The following ATXN7L1 variants were observed in gnomAD, a reference collection of about 807,000 sequenced individuals.
ATXN7L1 encodes ataxin 7 like 1, also known as ataxin-7-like protein 1.
Under a neutral mutation model 70.8 loss-of-function variants are expected in ATXN7L1, and 15 were observed. The observed-to-expected ratio is 0.21, with a 90% CI of 0.14 to 0.33. ATXN7L1 has a LOEUF of 0.33. Ranked by LOEUF, ATXN7L1 falls within the 10% of genes least tolerant of loss-of-function variation. The pLI is 1.00. For missense variants in ATXN7L1, 975 were observed against 1,097.1 expected (o/e 0.89, Z 1.57); for synonymous variants, 440 against 445.1 (o/e 0.99, Z 0.14).
intron 3 of ATXN7L1, among the ~76,000 whole-genome samples, chr7:105,704,935 AC>A (rs976869244): frequency 9.2e-5 from 14 of 151,608 alleles, no homozygotes; most frequent in African/African-American, 3.4e-4. Context: ...GTTCTGTCAG[AC>A]TCCAAACCCA....
chr7:105,683,505 C>T (rs1223285724), intron 3 of ATXN7L1, among the ~76,000 whole-genome samples: 2 of 152,082 alleles, frequency 1.3e-5, no homozygotes, highest in Non-Finnish European at 2.9e-5. Context: ...ATGGTGAAAC[C>T]TTGTCTCTAC....
At chr7:105,638,303 T>C in intron 7 of ATXN7L1, 50 bp downstream of exon 7, 1 of 1,517,304 alleles carries the variant, frequency 6.6e-7, no homozygotes. Context: ...CCCAGCAAGC[T>C]AGTCACTTGA....
intron 3 of ATXN7L1, among the ~76,000 whole-genome samples, chr7:105,683,955 G>A (rs1437084494): frequency 6.6e-6 from 1 of 152,166 alleles, no homozygotes; most frequent in Admixed American, 6.5e-5. Flanking sequence ...AACCCCACAG[G>A]TAACCATTCT....
At position 105,857,491 on chromosome 7, in the gene ATXN7L1, C is replaced by G. The variant is rs1229094201; in HGVS notation, c.250+18321G>C. 2.0e-5 allele frequency among the ~76,000 whole-genome samples: 3 copies of G among 152,238 alleles called. No homozygotes were observed. The East Asian group carries it at 5.8e-4, about 29-fold the overall frequency. On this transcript the variant is annotated intron_variant, in intron 2 of 11. Coordinates refer to ENST00000419735, the MANE Select transcript of ATXN7L1 (RefSeq NM_020725.2). ...CTTCCACCTCCTGGACAACTGGTCA[C>G]TTTCTACGCAGTCAGCAATGCAGGA... is the stretch of plus-strand genomic sequence containing the variant.
chr7:105,614,581 G>A lies in ATXN7L1; in HGVS notation c.1753C>T (p.Pro585Ser). Reference protein sequence around the residue: ...SALMSHTTAFPHVAATLSIMD... With the variant: ...SALMSHTTAFSHVAATLSIMD... The stretch of plus-strand genomic sequence containing the variant: ...ATGCTGAGGGTTGCGGCCACATGAG[G>A]GAAAGCTGTGGTGTGGGACATGAGG... The change falls in exon 10 of 12, where the codon CCT becomes TCT. Residue 585 changes from proline to serine, a missense_variant. Physicochemically the swap from Pro to Ser is moderately conservative, Grantham distance 74 (BLOSUM62 -1). Around this residue, in one of 5 missense-constraint regions of ATXN7L1, gnomAD observed 635 missense variants for 699.4 expected, o/e 0.91. Coordinates refer to ENST00000419735, the MANE Select transcript of ATXN7L1 (RefSeq NM_020725.2). This position sits in a 1 kb window ranked among gnomAD's most constrained non-coding sequence, Gnocchi z 4.3. The A allele has an allele frequency of 6.4e-7, 1 of 1,551,372 alleles. No individual in the cohort carries two copies. Among genetic ancestry groups the A allele is most frequent in the Non-Finnish European group, 8.7e-7 (1 of 1,146,612 alleles).
intron 2 of ATXN7L1, among the ~76,000 whole-genome samples, chr7:105,800,142 T>C (rs1395081962): frequency 6.6e-6 from 1 of 152,098 alleles, no homozygotes; most frequent in African/African-American, 2.4e-5. Context: ...ATAAGATCGA[T>C]CAGCTAGAGG....
intron 4 of ATXN7L1, among the ~76,000 whole-genome samples, chr7:105,663,801 C>T (rs846940): frequency 0.71 from 108,065 of 151,908 alleles, 38,754 homozygotes; most frequent in Admixed American, 0.8. Context: ...AGTCTCACTT[C>T]GTCATCCAGG....
At chr7:105,650,834 T>C (rs570017789) in intron 4 of ATXN7L1, among the ~76,000 whole-genome samples, 20 of 152,144 alleles carry the variant, frequency 1.3e-4, no homozygotes, top group Non-Finnish European at 2.8e-4. Flanking sequence ...ATTGTAAAAA[T>C]GGCCAGAAGC....
rs963824618 is a variant in ATXN7L1 at position 105,649,395 on chromosome 7, G to A, written c.579-6274C>T. On this transcript the variant is annotated intron_variant, in intron 4 of 11. Coordinates refer to ENST00000419735, the MANE Select transcript of ATXN7L1 (RefSeq NM_020725.2). ...TCCCTCATCCCCCTTGCTACGTGGG[G>A]GCGATATCTACCTCTGTTTCTTTTG... The A allele has an allele frequency of 4.1e-6, 4 of 987,532 alleles. No homozygotes were observed. In the South Asian group the frequency reaches 1.4e-4, roughly 35 times the overall value. 61.2% of individuals were successfully genotyped at this position (987,532 alleles called of 1,614,324 possible).
chr7:105,616,295 G>A (rs1209713123), intron 9 of ATXN7L1, among the ~76,000 whole-genome samples: 2 of 152,194 alleles, frequency 1.3e-5, no homozygotes, highest in Admixed American at 6.5e-5. Flanking sequence ...AGGACCAGGT[G>A]CCAGCGAACT....
At chr7:105,839,749 C>T (rs1812923869) in intron 2 of ATXN7L1, among the ~76,000 whole-genome samples, 2 of 152,158 alleles carry the variant, frequency 1.3e-5, no homozygotes, top group African/African-American at 4.8e-5. Context: ...TGGGAAAATA[C>T]ACCTACTGAG....
At chr7:105,679,112 G>A (rs891268635) in intron 3 of ATXN7L1, 19 of 985,848 alleles carry the variant, frequency 1.9e-5, no homozygotes, top group African/African-American at 1.0e-4. Context: ...TGGGCAACGC[G>A]ACTCGTGGTA....
chr7:105,811,524 T>G (rs762077548), intron 2 of ATXN7L1, among the ~76,000 whole-genome samples: 1 of 152,160 alleles, frequency 6.6e-6, no homozygotes, highest in East Asian at 1.9e-4. Context: ...GTTTTCCACA[T>G]GTTAAATGCT....
chr7:105,618,174 C>T (rs1011466016), intron 9 of ATXN7L1: 30 of 405,058 alleles, frequency 7.4e-5, no homozygotes, highest in African/African-American at 3.5e-4. Flanking sequence ...ATTCCTTCCA[C>T]GTGTCCGGGA....
intron 3 of ATXN7L1, among the ~76,000 whole-genome samples, chr7:105,749,976 C>A (rs1233050342): frequency 1.3e-5 from 2 of 151,874 alleles, no homozygotes; most frequent in African/African-American, 2.4e-5. Flanking sequence ...TGCACCTGCA[C>A]GATACACCTA....
chr7:105,850,013 T>C (rs899622462), intron 2 of ATXN7L1, among the ~76,000 whole-genome samples: 2 of 152,222 alleles, frequency 1.3e-5, no homozygotes, highest in Non-Finnish European at 2.9e-5. Context: ...CCACTTCCAT[T>C]GTAACATCTT....
intron 2 of ATXN7L1, among the ~76,000 whole-genome samples, chr7:105,864,719 C>T (rs995322425): frequency 6.6e-6 from 1 of 151,758 alleles, no homozygotes; most frequent in African/African-American, 2.4e-5. Flanking sequence ...CTGCAACCTC[C>T]GCCTCCCGAA....
intron 3 of ATXN7L1, among the ~76,000 whole-genome samples, chr7:105,671,442 T>C (rs1803666883): frequency 6.6e-6 from 1 of 152,130 alleles, no homozygotes; most frequent in African/African-American, 2.4e-5. Flanking sequence ...ATATTGAATA[T>C]AAGCACCACT....
intron 9 of ATXN7L1, chr7:105,617,983 G>T (rs975835830): frequency 2.2e-6 from 1 of 456,616 alleles, no homozygotes; most frequent in African/African-American, 2.0e-5. Context: ...GGGGTGCTAC[G>T]CTCTCCAGAG....
Sources: allele counts gnomAD v4.1 joint callset (sites outside exome capture counted in the v4.1 genomes callset), GRCh38; gene constraint gnomAD v4.1.1; regional missense constraint gnomAD v4.1.1; non-coding constraint Gnocchi (gnomAD v3.1); transcripts MANE v1.5; gene names NCBI Gene and HGNC (gene_info 2026-07-23, HGNC 2026-07-21).